ERCC6: variants seen among roughly 807,000 people sequenced by gnomAD.
ERCC6 encodes DNA excision repair protein ERCC-6.
A neutral mutation model predicts 158.7 loss-of-function variants in ERCC6; 116 were observed. The observed-to-expected ratio is 0.73, with a 90% confidence interval of 0.63 to 0.85. The LOEUF is 0.85. ERCC6 is among the 40% of genes least tolerant of loss of function. ERCC6 has a pLI of 0.00. For synonymous variants in ERCC6, 678 were observed against 659.3 expected, an observed-to-expected ratio of 1.03 and a Z score of -0.43; for missense variants, 1,698 against 1,799.4, an observed-to-expected ratio of 0.94 and a Z score of 1.02.
At chr10:49,461,701 T>C (rs1850586714) in intron 18 of ERCC6, 145 bp from the exon 19 acceptor site, 14 of 803,960 alleles carry the variant, frequency 1.7e-5, no homozygotes, top group South Asian at 8.0e-5. Flanking sequence ...TGATAAAAAA[T>C]AGTAAGATAA....
the ERCC6 span, among the ~76,000 whole-genome samples, chr10:49,437,088 A>G: frequency 6.6e-6 from 1 of 152,106 alleles, no homozygotes; most frequent in Non-Finnish European, 1.5e-5. Context: ...GTGGTAGTGA[A>G]TAAGTCTCAG....
At chr10:49,492,006 T>C (rs4253143) in intron 8 of ERCC6, among the ~76,000 whole-genome samples, 4,408 of 152,342 alleles carry the variant, frequency 0.029, 222 homozygotes, top group African/African-American at 0.099. Flanking sequence ...ACTCACAGCA[T>C]TTACCCTAAT....
At chr10:49,502,401 G>A (rs1564430889) in intron 6 of ERCC6, 1 of 152,180 alleles carries the variant, frequency 6.6e-6, no homozygotes, top group African/African-American at 2.4e-5. Flanking sequence ...TGGGAAGAAG[G>A]ACAAATTCCG....
At position 49,472,880 on chromosome 10, in the gene ERCC6, A is replaced by C. The variant is rs750638927; in HGVS notation, c.2829+29T>G. 4 of 1,606,768 alleles carry C rather than the reference A, an allele frequency of 2.5e-6. No homozygotes were observed. The African/African-American group carries it at 4.0e-5, about 16-fold the overall frequency. On this transcript the variant is annotated intron_variant, in intron 15 of 20. Transcript: ENST00000355832. ...CATGAAACTATATTTCTACTAATAC[A>C]TTCTTTTAAAAAAAAAATAAAAACA...
At chr10:49,517,848 T>G (rs1837030753) in intron 5 of ERCC6, among the ~76,000 whole-genome samples, 1 of 152,188 alleles carries the variant, frequency 6.6e-6, no homozygotes, top group Non-Finnish European at 1.5e-5. Context: ...CCGGCCAGGC[T>G]TATTTCTTGA....
At chr10:49,441,398 G>A in the ERCC6 span, among the ~76,000 whole-genome samples, 1 of 152,164 alleles carries the variant, frequency 6.6e-6, no homozygotes, top group African/African-American at 2.4e-5. Flanking sequence ...CTGTGGTCAC[G>A]AAGTGGAGGA....
At chr10:49,515,723 G>T (rs775809191) in intron 5 of ERCC6, 4 of 1,614,138 alleles carry the variant, frequency 2.5e-6, no homozygotes, top group Non-Finnish European at 2.5e-6. Flanking sequence ...CATCAGCTCT[G>T]TCTACGCCTC....
intron 1 of ERCC6, among the ~76,000 whole-genome samples, chr10:49,537,793 G>A (rs1441502206): frequency 6.6e-6 from 1 of 152,144 alleles, no homozygotes; most frequent in Non-Finnish European, 1.5e-5. Flanking sequence ...GCTCCGCCAG[G>A]CTCACTGCAA....
intron 7 of ERCC6, among the ~76,000 whole-genome samples, chr10:49,499,888 T>C (rs1367282247): frequency 1.3e-5 from 2 of 151,746 alleles, no homozygotes; most frequent in African/African-American, 2.4e-5. Flanking sequence ...CCATTTTAGG[T>C]AGTCACTTAC....
rs1850562054 is a variant in ERCC6 at position 49,460,423 on chromosome 10, T to C, written c.4012A>G (p.Asn1338Asp). The C allele has an allele frequency of 2.5e-6, 4 of 1,613,520 alleles. No homozygotes were observed. Among genetic ancestry groups the C allele is most frequent in the African/African-American group, 1.3e-5 (1 of 74,926 alleles). Residue 1338 changes from asparagine (N) to aspartate (D), a missense_variant, in exon 20 of 21, where the codon AAC (asparagine) becomes GAC (aspartate). By Grantham distance (23) the Asn-to-Asp change is conservative. Transcript: ENST00000355832. ...GATGAAGGATGCTGCACAGAGAAGT[T>C]AGAATTCCTTTTCTTACCAAATCTA... The part of the protein sequence containing the change: ...KSRFGKKRNS[N>D]FSVQHPSSTS...
At chr10:49,515,622 G>C (rs1836926638) in intron 5 of ERCC6, 4 of 1,614,054 alleles carry the variant, frequency 2.5e-6, no homozygotes, top group Non-Finnish European at 3.4e-6. Context: ...CAATTGCCAA[G>C]CATTTTGTAA....
chr10:49,534,133 C>CAAAAAAAAAAAAAAA (rs746772551), intron 1 of ERCC6, among the ~76,000 whole-genome samples: 10 of 60,308 alleles, frequency 1.7e-4, no homozygotes, highest in South Asian at 7.7e-4. Context: ...GACTCAATCT[C>CAAAAAAAAAAAAAAA]AAAAAAAAAA....
At chr10:49,537,956 G>A (rs1470311306) in intron 1 of ERCC6, among the ~76,000 whole-genome samples, 1 of 152,162 alleles carries the variant, frequency 6.6e-6, no homozygotes, top group African/African-American at 2.4e-5. Context: ...TCCTGACCTC[G>A]GGTGATCCAC....
intron 5 of ERCC6, among the ~76,000 whole-genome samples, chr10:49,506,839 C>T (rs1851451779): frequency 6.6e-6 from 1 of 150,974 alleles, no homozygotes; most frequent in Non-Finnish European, 1.5e-5. Flanking sequence ...ATTCTATTCA[C>T]TTTCAAAATA....
Position 49,454,730 on chromosome 10 carries a change from A to G in ERCC6, c.*4085T>C, listed in dbSNP as rs1442022235. On this transcript the variant is annotated 3_prime_UTR_variant, in exon 21 of 21. Transcript: ENST00000355832. ...CTACACCAAGAAAAGCTATACAATT[A>G]TATCAATATATACCAGAAAAGACTT... 6.6e-6 allele frequency among the ~76,000 whole-genome samples: 1 copy of G among 152,210 alleles called. No individual in the cohort carries two copies. Among genetic ancestry groups the G allele is most frequent in the Non-Finnish European group, 1.5e-5 (1 of 68,036 alleles).
chr10:49,441,836 C>T, the ERCC6 span, among the ~76,000 whole-genome samples: 1 of 152,192 alleles, frequency 6.6e-6, no homozygotes, highest in Non-Finnish European at 1.5e-5. Context: ...TTACGACCAA[C>T]TAAAAACTAA....
At position 49,533,312 on chromosome 10, in the gene ERCC6, C is replaced by T. The variant is rs1837517300; in HGVS notation, c.-14-334G>A. On this transcript the variant is annotated intron_variant, in intron 1 of 20. Coordinates refer to ENST00000355832, the MANE Select transcript of ERCC6 (RefSeq NM_000124.4). ...GCTGAAGTCATTTGGCTGCTGTTTT[C>T]CAAGTTAGCATCTTCATTTCATTAT... Among the ~76,000 whole-genome samples the T allele has an allele frequency of 2.6e-5, 4 of 152,176 alleles. 1 individual carries two copies. Among genetic ancestry groups the T allele is most frequent in the Admixed American group, 2.6e-4 (4 of 15,286 alleles).
intron 1 of ERCC6, among the ~76,000 whole-genome samples, chr10:49,537,455 A>G (rs888658024): frequency 2.0e-5 from 3 of 151,900 alleles, no homozygotes; most frequent in African/African-American, 7.2e-5. Context: ...CAAAGAGCTT[A>G]GAGTCTCATG....
At chr10:49,439,919 T>C in the ERCC6 span, among the ~76,000 whole-genome samples, 5 of 152,150 alleles carry the variant, frequency 3.3e-5, no homozygotes. Context: ...GTTTCTCATC[T>C]CCATCTGAGA....
Sources: gnomAD v4.1 joint callset for allele counts (sites outside exome capture counted in the v4.1 genomes callset) on GRCh38, gnomAD v4.1.1 for gene constraint, MANE v1.5 for transcripts, NCBI Gene and HGNC (gene_info 2026-07-23, HGNC 2026-07-21) for gene names.